ACOXL: variants seen among roughly 807,000 people sequenced by gnomAD.
ACOXL encodes the protein acyl-coenzyme A oxidase-like protein.
A neutral mutation model predicts 71.9 loss-of-function variants in ACOXL; 70 were observed. The observed-to-expected ratio is 0.97, with a 90% CI of 0.80 to 1.19. The LOEUF is 1.19. Among genes scored for constraint, ACOXL ranks in the 50% most tolerant of loss-of-function variants. The probability of loss-of-function intolerance (pLI) is 0.00; values close to 1 mark genes in which losing one functional copy is unlikely to be tolerated. For synonymous variants in ACOXL, 253 were observed against 281.6 expected (o/e 0.90, Z 1.02); for missense variants, 703 against 736.3 (o/e 0.95, Z 0.52).
chr2:110,872,202 G>A (rs1695362497), intron 10 of ACOXL, among the ~76,000 whole-genome samples: 1 of 152,110 alleles, frequency 6.6e-6, no homozygotes, highest in Non-Finnish European at 1.5e-5. Context: ...AGGAGTACAT[G>A]GAAGCTGCCA....
intron 10 of ACOXL, among the ~76,000 whole-genome samples, chr2:110,902,829 G>A (rs2059294173): frequency 6.6e-6 from 1 of 152,326 alleles, no homozygotes; most frequent in East Asian, 1.9e-4. Flanking sequence ...AGAGGTTGGA[G>A]GGTTTCTGTG....
chr2:111,001,108 T>C (rs909811830), intron 14 of ACOXL, among the ~76,000 whole-genome samples: 2 of 152,188 alleles, frequency 1.3e-5, no homozygotes, highest in Non-Finnish European at 2.9e-5. Context: ...AGTTTACAAG[T>C]ATGTCTTTCA....
chr2:110,935,773 G>A (rs911967331), intron 12 of ACOXL, among the ~76,000 whole-genome samples: 4 of 151,676 alleles, frequency 2.6e-5, no homozygotes, highest in African/African-American at 7.3e-5. Flanking sequence ...CACTAACAGG[G>A]TGCTCTGCAA....
At chr2:110,792,444 CCTCTTT>C (rs1374615258) in intron 3 of ACOXL, among the ~76,000 whole-genome samples, 1 of 152,176 alleles carries the variant, frequency 6.6e-6, no homozygotes, top group Non-Finnish European at 1.5e-5. Flanking sequence ...TCATCCTCAT[CCTCTTT>C]GTCTTCCTCC....
At chr2:110,904,270 A>T (rs1336931049) in intron 10 of ACOXL, among the ~76,000 whole-genome samples, 6 of 152,152 alleles carry the variant, frequency 3.9e-5, no homozygotes, top group Admixed American at 6.5e-5. Flanking sequence ...CTTTCATTTC[A>T]TCTTCTATCC....
chr2:110,822,175 C>A (rs990059400), intron 9 of ACOXL, among the ~76,000 whole-genome samples: 3 of 152,040 alleles, frequency 2.0e-5, no homozygotes, highest in Non-Finnish European at 4.4e-5. Context: ...CTAGGCCTTT[C>A]CAGTTGATAA....
At chr2:110,972,158 C>T (rs1202772547) in intron 12 of ACOXL, among the ~76,000 whole-genome samples, 2 of 152,156 alleles carry the variant, frequency 1.3e-5, no homozygotes, top group Non-Finnish European at 2.9e-5. Flanking sequence ...CCATGAACAG[C>T]AGGAACGTGC....
intron 2 of ACOXL, among the ~76,000 whole-genome samples, chr2:110,781,602 A>G (rs1230749042): frequency 6.6e-6 from 1 of 151,930 alleles, no homozygotes; most frequent in African/African-American, 2.4e-5. Context: ...AGATCGCACC[A>G]TGCACTCCAG....
chr2:110,748,386 A>G (rs992985747), intron 1 of ACOXL, among the ~76,000 whole-genome samples: 3 of 152,088 alleles, frequency 2.0e-5, no homozygotes, highest in Non-Finnish European at 4.4e-5. Flanking sequence ...ATCAGGCTTT[A>G]TCTCTGGTGC....
intron 16 of ACOXL, among the ~76,000 whole-genome samples, chr2:111,056,398 C>A (rs1463429258): frequency 1.3e-5 from 2 of 152,212 alleles, no homozygotes; most frequent in Admixed American, 1.3e-4. Flanking sequence ...TCAAACCAAC[C>A]CCCCAAATTA....
chr2:111,099,453 G>T (rs2068996967), intron 17 of ACOXL: 2 of 152,250 alleles, frequency 1.3e-5, no homozygotes, highest in South Asian at 4.1e-4. Flanking sequence ...TGAGCAAATA[G>T]TAAGCTGGGG....
chr2:110,879,247 T>A (rs1445298441), intron 10 of ACOXL, among the ~76,000 whole-genome samples: 1 of 152,142 alleles, frequency 6.6e-6, no homozygotes, highest in Non-Finnish European at 1.5e-5. Context: ...TCCCATTGTA[T>A]TGAACTGAAG....
chr2:111,018,186 G>T, intron 14 of ACOXL: 1 of 152,658 alleles, frequency 6.6e-6, no homozygotes. Flanking sequence ...AACTCTGTCT[G>T]GGAGGGAAGG....
intron 3 of ACOXL, 72 bp downstream of exon 3, chr2:110,784,887 C>A: frequency 7.1e-7 from 1 of 1,410,310 alleles, no homozygotes; most frequent in Non-Finnish European, 9.7e-7. Context: ...AAAACTATAA[C>A]CCCGTGAGCT....
intron 14 of ACOXL, among the ~76,000 whole-genome samples, chr2:111,018,277 G>C (rs757348760): frequency 5.3e-5 from 8 of 152,102 alleles, no homozygotes; most frequent in Non-Finnish European, 1.0e-4. Context: ...GGTGGGCTTG[G>C]TGCATAGGGG....
At chr2:110,981,522 C>T (rs2062707920) in intron 12 of ACOXL, among the ~76,000 whole-genome samples, 1 of 152,194 alleles carries the variant, frequency 6.6e-6, no homozygotes, top group Admixed American at 6.5e-5. Context: ...GGTATTCCAT[C>T]TAAAGAGTTT....
chr2:110,789,679 CA>C (rs1559263772), intron 3 of ACOXL, among the ~76,000 whole-genome samples: 2 of 152,184 alleles, frequency 1.3e-5, no homozygotes, highest in African/African-American at 4.8e-5. Flanking sequence ...TTTCCATCTC[CA>C]AATACCATCA....
At chr2:111,058,677 A>G (rs989281834) in intron 16 of ACOXL, among the ~76,000 whole-genome samples, 1 of 152,218 alleles carries the variant, frequency 6.6e-6, no homozygotes, top group African/African-American at 2.4e-5. Context: ...AAAGCACCAT[A>G]GATAAAAACT....
chr2:110,966,046 G>A (rs554459853), intron 12 of ACOXL, among the ~76,000 whole-genome samples: 220 of 152,178 alleles, frequency 1.4e-3, no homozygotes, highest in Non-Finnish European at 2.6e-3. Context: ...TCTCCCGACC[G>A]CCGTTGACAA....
Sources: gnomAD v4.1 joint callset for allele counts (sites outside exome capture counted in the v4.1 genomes callset) on GRCh38, gnomAD v4.1.1 for gene constraint, MANE v1.5 for transcripts, NCBI Gene and HGNC (gene_info 2026-07-23, HGNC 2026-07-21) for gene names.